Variants in FOCAD observed in about 807,000 individuals in gnomAD.
FOCAD encodes the protein KIAA1797.
FOCAD carries 198 observed loss-of-function variants against 225.6 expected under a neutral mutation model. The observed-to-expected ratio is 0.88, with a 90% CI of 0.78 to 0.99. FOCAD has a LOEUF of 0.99. Among genes scored for constraint, FOCAD ranks in the 50% least tolerant of loss-of-function variants. The pLI is 0.00. For synonymous variants in FOCAD, 897 were observed against 755.0 expected, an observed-to-expected ratio of 1.19 and a Z score of -3.08; for missense variants, 2,713 against 2,123.6, an observed-to-expected ratio of 1.28 and a Z score of -5.46.
Position 20,758,185 on chromosome 9 carries a change from C to G in FOCAD, c.488C>G (p.Pro163Arg), listed in dbSNP as rs773064467. 1 of 1,609,682 alleles carries G rather than the reference C, an allele frequency of 6.2e-7. No individual in the cohort carries two copies. Among genetic ancestry groups the G allele is most frequent in the East Asian group, 2.2e-5 (1 of 44,692 alleles). Residue 163 changes from proline (P) to arginine (R), a missense_variant, in exon 6 of 44, where the codon CCT becomes CGT. Coordinates refer to ENST00000338382, the MANE Select transcript of FOCAD (RefSeq NM_001375567.1). Reference sequence around the variant, plus strand: ...CTGACAGCGTTTTTCCAGCAGTGCCCTGAAAGGTAATGTAAAATAAAAGTG... The same window carrying G: ...CTGACAGCGTTTTTCCAGCAGTGCCGTGAAAGGTAATGTAAAATAAAAGTG... ...QQLTAFFQQC[P>R]ERLEVSCIQI...
chr9:20,819,923 T>C lies in FOCAD; in HGVS notation c.1560+23T>C, dbSNP rs200636138. The C allele has an allele frequency of 2.9e-6, 4 of 1,401,492 alleles. No individual in the cohort carries two copies. The African/African-American group carries it at 5.9e-5, about 21-fold the overall frequency. The allele number at this position is 1,401,492 out of a possible 1,614,324, so 86.8% of individuals were successfully genotyped here. A position where few individuals can be genotyped will look rare whatever the true frequency, so the allele number is the denominator to read the frequency against. On this transcript the variant is annotated intron_variant, in intron 12 of 43. Transcript: ENST00000338382. ...AAGGTTAGTATGTTAATTAATTTAG[T>C]TGGCGAAAAAAGTGAGTCATGAATA...
chr9:20,979,666 C>T (rs1564235965), intron 37 of FOCAD, among the ~76,000 whole-genome samples: 1 of 151,998 alleles, frequency 6.6e-6, no homozygotes, highest in Non-Finnish European at 1.5e-5. Flanking sequence ...ACCTTTCCTA[C>T]TCCTCCTCAC....
At chr9:20,784,121 C>T (rs1819672262) in intron 10 of FOCAD, among the ~76,000 whole-genome samples, 1 of 152,124 alleles carries the variant, frequency 6.6e-6, no homozygotes. Flanking sequence ...ATGATATAGT[C>T]TGCTGGGGTG....
intron 6 of FOCAD, among the ~76,000 whole-genome samples, chr9:20,759,147 G>C (rs1449448176): frequency 6.6e-6 from 1 of 152,176 alleles, no homozygotes; most frequent in African/African-American, 2.4e-5. Context: ...AACATTCCAT[G>C]CTCATGGGTA....
Position 20,966,786 on chromosome 9 carries a change from G to C in FOCAD, c.4133-9634G>C, listed in dbSNP as rs145540053. Among the ~76,000 whole-genome samples the C allele has an allele frequency of 4.1e-3, 619 of 152,020 alleles. 5 individuals are homozygous for C. Among genetic ancestry groups the C allele is most frequent in the African/African-American group, 0.014 (596 of 41,468 alleles). ...TGAAGAAATCATTCTTTCCCCCATT[G>C]AAGGATCTTGGCACCCTTGTCAAAA... On this transcript the variant is annotated intron_variant, in intron 35 of 43. Transcript: ENST00000338382.
rs868131544 is a variant in FOCAD at position 20,666,086 on chromosome 9, T to G, written c.-78+7260T>G. 5.3e-5 allele frequency among the ~76,000 whole-genome samples: 8 copies of G among 152,198 alleles called. 1 individual carries two copies. In the Middle Eastern group the frequency reaches 0.02, roughly 388 times the overall value. On this transcript the variant is annotated intron_variant, in intron 2 of 45. Transcript: ENST00000380249. ...ATTTTTGTATCTCTATCTCTGGTTG[T>G]CACTAGAGATCTGGAATCAGGTGTG...
intron 21 of FOCAD, among the ~76,000 whole-genome samples, chr9:20,893,441 TAAATTAGTGATA>T (rs1831803440): frequency 6.6e-6 from 1 of 152,116 alleles, no homozygotes; most frequent in East Asian, 1.9e-4. Flanking sequence ...ATGCTACTAT[TAAATTAGTGATA>T]AATCTAATGA....
intron 11 of FOCAD, among the ~76,000 whole-genome samples, chr9:20,800,832 CCTT>C (rs1453993696): frequency 1.2e-4 from 18 of 152,220 alleles, no homozygotes; most frequent in African/African-American, 3.4e-4. Context: ...TGTTCTGAAG[CCTT>C]CTTCTCTCAA....
chr9:20,923,635 T>C lies in FOCAD; in HGVS notation c.2853-25T>C, dbSNP rs1398369268. ...TTCTGGTTAATACCAAAGTTCTCTG[T>C]TGAAATTTTTTTCCTTTTGAACAGG... On this transcript the variant is annotated intron_variant, in intron 24 of 43. Coordinates refer to ENST00000338382, the MANE Select transcript of FOCAD (RefSeq NM_001375567.1). 4.4e-6 allele frequency: 7 copies of C among 1,591,156 alleles called. No homozygotes were observed. In the African/African-American group the frequency reaches 6.7e-5, roughly 15 times the overall value.
chr9:20,700,295 T>C (rs1587260206), intron 1 of FOCAD, among the ~76,000 whole-genome samples: 1 of 152,138 alleles, frequency 6.6e-6, no homozygotes, highest in Non-Finnish European at 1.5e-5. Flanking sequence ...CATGTAAAAC[T>C]TATGTTGTAT....
intron 5 of FOCAD, among the ~76,000 whole-genome samples, chr9:20,741,676 C>CTTGTT (rs1827625266): frequency 1.1e-5 from 1 of 87,194 alleles, no homozygotes. Context: ...GGTAAATATG[C>CTTGTT]TTTTTTTTTT....
At chr9:20,719,785 T>C (rs1406014440) in intron 3 of FOCAD, among the ~76,000 whole-genome samples, 2 of 141,072 alleles carry the variant, frequency 1.4e-5, no homozygotes, top group Non-Finnish European at 3.1e-5. Flanking sequence ...AGGCTTTTTT[T>C]TTTTTTTTTT....
chr9:20,903,622 A>G (rs922700233), intron 21 of FOCAD, among the ~76,000 whole-genome samples: 1 of 151,218 alleles, frequency 6.6e-6, no homozygotes, highest in African/African-American at 2.4e-5. Context: ...TTCTCTTTCT[A>G]CTCTCTGTTT....
chr9:20,820,050 G>T (rs949804984), intron 12 of FOCAD, 150 bp downstream of exon 12: 2 of 518,392 alleles, frequency 3.9e-6, no homozygotes, highest in Admixed American at 3.8e-5. Context: ...AAAGACAAAA[G>T]TATTTATTAC....
chr9:20,770,687 G>A (rs1026861148), intron 8 of FOCAD, among the ~76,000 whole-genome samples: 4 of 152,168 alleles, frequency 2.6e-5, no homozygotes, highest in Non-Finnish European at 4.4e-5. Context: ...TATTGTGTCA[G>A]TTATCACTCA....
At chr9:20,905,661 A>G (rs1175035001) in intron 21 of FOCAD, among the ~76,000 whole-genome samples, 3 of 152,042 alleles carry the variant, frequency 2.0e-5, no homozygotes, top group South Asian at 2.1e-4. Flanking sequence ...AAAAAGTTGA[A>G]GAAAATTGCC....
chr9:20,689,876 A>G (rs1587227134), intron 1 of FOCAD, among the ~76,000 whole-genome samples: 1 of 152,254 alleles, frequency 6.6e-6, no homozygotes, highest in Non-Finnish European at 1.5e-5. Flanking sequence ...TTCTAAATTT[A>G]AAAATAACAT....
In FOCAD at chr9:20,939,691, CTTTTA is replaced by C. The variant is rs139330814; in HGVS notation, c.3408-4926_3408-4922del. ...TACCTTCTTTGTTGATTCTTACCTT[CTTTTA>C]TTTTATTTTTTTTTGTTTTTATTTT... On this transcript the variant is annotated intron_variant, in intron 28 of 43. Coordinates refer to ENST00000338382, the MANE Select transcript of FOCAD (RefSeq NM_001375567.1). Among the ~76,000 whole-genome samples, 767 of 149,274 alleles carry C rather than the reference CTTTTA, an allele frequency of 5.1e-3. 13 individuals carry two copies. The highest frequency in any genetic ancestry group is 0.047 in the East Asian group (239 of 5,116).
chr9:20,690,425 C>G (rs1457500226), intron 1 of FOCAD, among the ~76,000 whole-genome samples: 1 of 152,206 alleles, frequency 6.6e-6, no homozygotes, highest in Admixed American at 6.5e-5. Context: ...TAACTATAAT[C>G]CTGTCCAATT....
Sources: gnomAD v4.1 joint callset for allele counts (sites outside exome capture counted in the v4.1 genomes callset) on GRCh38, gnomAD v4.1.1 for gene constraint, MANE v1.5 for transcripts, NCBI Gene and HGNC (gene_info 2026-07-23, HGNC 2026-07-21) for gene names.